PTPN14: variants seen among roughly 807,000 people sequenced by gnomAD.
PTPN14 encodes the protein protein tyrosine phosphatase non-receptor type 14.
In PTPN14, 53 loss-of-function variants were observed where a neutral mutation model predicts 126.8. The observed-to-expected ratio is 0.42, with a 90% confidence interval of 0.34 to 0.53. The LOEUF is 0.53. Ranked by LOEUF, PTPN14 falls within the 20% of genes least tolerant of loss-of-function variation. The pLI, the probability that PTPN14 is intolerant of heterozygous loss-of-function variation, is 0.08. For missense variants in PTPN14, 1,257 were observed against 1,552.9 expected (o/e 0.81, Z 3.20); for synonymous variants, 630 against 599.3 (o/e 1.05, Z -0.75).
At position 214,526,907 on chromosome 1, in the gene PTPN14, T is replaced by C. The variant is rs550905133; in HGVS notation, c.-155+24276A>G. 3.3e-5 allele frequency among the ~76,000 whole-genome samples: 5 copies of C among 151,990 alleles called. No homozygotes were observed. The South Asian group carries it at 8.3e-4, about 25-fold the overall frequency. Reference sequence around the variant, plus strand: ...GGTAGTTTGAGACCAGCCTGACCAATATTGAGAAACCCTGTCTCTACTAAA... The same window carrying C: ...GGTAGTTTGAGACCAGCCTGACCAACATTGAGAAACCCTGTCTCTACTAAA... On this transcript the variant is annotated intron_variant, in intron 1 of 18. Coordinates refer to ENST00000366956, the MANE Select transcript of PTPN14 (RefSeq NM_005401.5).
chr1:214,483,107 A>C, intron 1 of PTPN14: 1 of 1,611,332 alleles, frequency 6.2e-7, no homozygotes, highest in Non-Finnish European at 8.5e-7. Context: ...TAATGTTTCC[A>C]CAAATACTTG....
chr1:214,379,622 C>T (rs1658426845), intron 13 of PTPN14, among the ~76,000 whole-genome samples: 1 of 152,220 alleles, frequency 6.6e-6, no homozygotes, highest in South Asian at 2.1e-4. Context: ...AAACCTGCCT[C>T]CCATTCTATT....
At chr1:214,491,045 G>GAAAGAAAAAC (rs1661235057) in intron 1 of PTPN14, among the ~76,000 whole-genome samples, 2 of 150,168 alleles carry the variant, frequency 1.3e-5, no homozygotes, top group African/African-American at 4.9e-5. Context: ...AAGAAAGAAA[G>GAAAGAAAAAC]AAAGAAAGAA....
intron 11 of PTPN14, 128 bp from the exon 12 acceptor site, chr1:214,387,050 C>T: frequency 3.9e-6 from 3 of 776,034 alleles, no homozygotes; most frequent in Non-Finnish European, 6.4e-6. Flanking sequence ...GCTGTCCCTG[C>T]CACCCCTTTG....
At chr1:214,524,831 TTC>T (rs1655347261) in intron 1 of PTPN14, among the ~76,000 whole-genome samples, 1 of 152,222 alleles carries the variant, frequency 6.6e-6, no homozygotes, top group African/African-American at 2.4e-5. Context: ...CAATCTTCTC[TTC>T]TCTCTCTTGT....
At chr1:214,467,940 G>C (rs1030833602) in intron 1 of PTPN14, among the ~76,000 whole-genome samples, 1 of 152,100 alleles carries the variant, frequency 6.6e-6, no homozygotes, top group African/African-American at 2.4e-5. Flanking sequence ...AACAAAAATT[G>C]GGCATGAGGA....
At chr1:214,471,636 G>C (rs1660761477) in intron 1 of PTPN14, among the ~76,000 whole-genome samples, 1 of 152,112 alleles carries the variant, frequency 6.6e-6, no homozygotes, top group East Asian at 1.9e-4. Flanking sequence ...ATGAAGGTGG[G>C]GGGTGAGGTG....
chr1:214,373,419 T>C (rs997119326), intron 15 of PTPN14, among the ~76,000 whole-genome samples: 1 of 152,174 alleles, frequency 6.6e-6, no homozygotes, highest in African/African-American at 2.4e-5. Context: ...ACCATACACA[T>C]ACACACATGT....
intron 18 of PTPN14, among the ~76,000 whole-genome samples, chr1:214,360,997 T>C (rs537735364): frequency 5.9e-5 from 9 of 152,306 alleles, no homozygotes; most frequent in Admixed American, 3.9e-4. Context: ...CCTGCTGCCA[T>C]GTGAAGACGT....
intron 17 of PTPN14, among the ~76,000 whole-genome samples, chr1:214,365,479 A>C (rs748427236): frequency 6.6e-6 from 1 of 152,196 alleles, no homozygotes; most frequent in Non-Finnish European, 1.5e-5. Flanking sequence ...CAGACACTCC[A>C]AAAACCCCCA....
intron 2 of PTPN14, among the ~76,000 whole-genome samples, chr1:214,462,240 T>G (rs1660529502): frequency 6.6e-6 from 1 of 152,174 alleles, no homozygotes; most frequent in Admixed American, 6.5e-5. Flanking sequence ...CGGCACACAC[T>G]TGGCAATGCA....
rs762180853 is a variant in PTPN14, at chr1:214,354,109, A to AC, written c.*3812dup. 1 of 152,186 alleles carries AC rather than the reference A, an allele frequency of 6.6e-6. No homozygotes were observed. The highest frequency in any genetic ancestry group is 1.5e-5 in the Non-Finnish European group (1 of 68,036). 9.4% of individuals were successfully genotyped at this position (152,186 alleles called of 1,614,324 possible). On this transcript the variant is annotated 3_prime_UTR_variant, in exon 19 of 19. Coordinates refer to ENST00000366956, the MANE Select transcript of PTPN14 (RefSeq NM_005401.5). ...GCCATGGTCAAGTCCTACAAGGCCC[A>AC]CCCTCAGCAGTCTACAAAGACCCTC...
intron 17 of PTPN14, among the ~76,000 whole-genome samples, chr1:214,366,716 C>T (rs1658088408): frequency 6.6e-6 from 1 of 152,078 alleles, no homozygotes; most frequent in Non-Finnish European, 1.5e-5. Context: ...TTTAAAAATA[C>T]TATGTATTGG....
rs919115955 is a variant in PTPN14, at chr1:214,364,763, G to T, written c.3272-88C>A. 1 of 1,165,890 alleles carries T rather than the reference G, an allele frequency of 8.6e-7. No homozygotes were observed. Among genetic ancestry groups the T allele is most frequent in the Admixed American group, 2.2e-5 (1 of 46,382 alleles). The allele number at this position is 1,165,890 out of a possible 1,614,324, so 72.2% of individuals were successfully genotyped here. On this transcript the variant is annotated intron_variant, in intron 17 of 18. Transcript: ENST00000366956. This position sits in a 1 kb window ranked among gnomAD's most constrained non-coding sequence, Gnocchi z 4.1. ...AGGGGGGAGCGGAAGAGAACTGATG[G>T]TGAGTGTGTGTGTGTGTGTGTGTGT...
chr1:214,491,913 G>A (rs867604300), intron 1 of PTPN14, among the ~76,000 whole-genome samples: 23 of 152,010 alleles, frequency 1.5e-4, no homozygotes, highest in African/African-American at 4.1e-4. Flanking sequence ...TACTACACTC[G>A]ATCTTGGTTT....
intron 1 of PTPN14, chr1:214,533,021 TCAC>T: frequency 1.3e-6 from 1 of 753,384 alleles, no homozygotes; most frequent in East Asian, 2.4e-5. Flanking sequence ...ACCACAGTGG[TCAC>T]CACCCAGTCC....
chr1:214,483,437 G>A, intron 1 of PTPN14: 1 of 1,205,860 alleles, frequency 8.3e-7, no homozygotes, highest in Non-Finnish European at 1.2e-6. Context: ...GCGGGAGCGG[G>A]CGCACAAGCC....
At chr1:214,472,021 C>A (rs1278522282) in intron 1 of PTPN14, among the ~76,000 whole-genome samples, 1 of 152,200 alleles carries the variant, frequency 6.6e-6, no homozygotes, top group Non-Finnish European at 1.5e-5. Flanking sequence ...TGTCTCACCT[C>A]CCCAGTCAGA....
intron 1 of PTPN14, among the ~76,000 whole-genome samples, chr1:214,483,585 C>G (rs749251295): frequency 2.6e-5 from 4 of 152,318 alleles, no homozygotes; most frequent in Non-Finnish European, 4.4e-5. Context: ...ACAGACTCTA[C>G]TGCTAATTTA....
Sources: allele counts gnomAD v4.1 joint callset (sites outside exome capture counted in the v4.1 genomes callset), GRCh38; gene constraint gnomAD v4.1.1; non-coding constraint Gnocchi (gnomAD v3.1); transcripts MANE v1.5; gene names NCBI Gene and HGNC (gene_info 2026-07-23, HGNC 2026-07-21).